The following TOMM20L variants were observed in gnomAD, a reference collection of about 807,000 sequenced individuals.
The protein encoded by TOMM20L is TOMM20-like protein 1.
A neutral mutation model predicts 20.4 loss-of-function variants in TOMM20L; 19 were observed. That is an observed-to-expected ratio of 0.93 (90% CI 0.65 to 1.36). The LOEUF is 1.36. Ranked by LOEUF, TOMM20L falls within the 40% of genes most tolerant of loss-of-function variation. The pLI is 0.00. For missense variants in TOMM20L, 218 were observed against 203.7 expected (o/e 1.07, Z -0.43); for synonymous variants, 75 against 79.6 (o/e 0.94, Z 0.30).
the TOMM20L span, among the ~76,000 whole-genome samples, chr14:58,414,221 G>T: frequency 1.3e-5 from 2 of 151,770 alleles, no homozygotes; most frequent in African/African-American, 4.8e-5. Flanking sequence ...AATTATTAAA[G>T]TATCTCTGGA....
At chr14:58,404,239 C>A (rs1194233267) in intron 3 of TOMM20L, among the ~76,000 whole-genome samples, 1 of 137,142 alleles carries the variant, frequency 7.3e-6, no homozygotes, top group African/African-American at 2.7e-5. Context: ...ACACCATTCT[C>A]CTGCCTCAGC....
At chr14:58,416,128 T>G in the TOMM20L span, among the ~76,000 whole-genome samples, 1 of 151,632 alleles carries the variant, frequency 6.6e-6, no homozygotes, top group Admixed American at 6.6e-5. Flanking sequence ...CTCAGGTGGC[T>G]GAGGCACGAG....
downstream of TOMM20L, chr14:58,410,711 C>A (rs2036187986): frequency 3.2e-6 from 2 of 621,898 alleles, no homozygotes; most frequent in Non-Finnish European, 5.4e-6. Context: ...TGCTTCAGTT[C>A]TTCCAAGCAA....
downstream of TOMM20L, chr14:58,411,090 T>C: frequency 1.7e-6 from 1 of 577,936 alleles, no homozygotes; most frequent in Non-Finnish European, 3.0e-6. Context: ...CAGTATGATC[T>C]ACAGAATAGT....
At chr14:58,401,451 C>G (rs2035991411) in intron 2 of TOMM20L, among the ~76,000 whole-genome samples, 1 of 151,786 alleles carries the variant, frequency 6.6e-6, no homozygotes, top group African/African-American at 2.4e-5. Flanking sequence ...GCACCTATAG[C>G]CCCAGCTACT....
chr14:58,403,587 C>G (rs2036016803), intron 3 of TOMM20L, among the ~76,000 whole-genome samples: 1 of 151,990 alleles, frequency 6.6e-6, no homozygotes, highest in South Asian at 2.1e-4. Flanking sequence ...GCCTGTAATC[C>G]CAGCACTTTG....
chr14:58,397,422 C>T (rs1165479623), intron 2 of TOMM20L, among the ~76,000 whole-genome samples: 1 of 152,194 alleles, frequency 6.6e-6, no homozygotes, highest in Non-Finnish European at 1.5e-5. Context: ...GATTCTACCT[C>T]TCAACAGGGA....
downstream of TOMM20L, chr14:58,409,176 T>C: frequency 6.2e-7 from 1 of 1,610,004 alleles, no homozygotes; most frequent in Non-Finnish European, 8.5e-7. Context: ...GGTCTAGGAA[T>C]GAAAAGGGAA....
chr14:58,411,838 G>A (rs1403773404), downstream of TOMM20L: 2 of 1,447,548 alleles, frequency 1.4e-6, no homozygotes, highest in Non-Finnish European at 9.7e-7. Flanking sequence ...CACCCAGCCT[G>A]ACATGGTGGC....
At chr14:58,409,281 GAATTAAAT>G, downstream of TOMM20L, 1 of 1,169,366 alleles carries the variant, frequency 8.6e-7, no homozygotes, top group Non-Finnish European at 1.2e-6. Context: ...ATATATCTGA[GAATTAAAT>G]AGTACTAATT....
chr14:58,405,918 A>G (rs2036051820), intron 3 of TOMM20L, among the ~76,000 whole-genome samples: 1 of 152,090 alleles, frequency 6.6e-6, no homozygotes, highest in Non-Finnish European at 1.5e-5. Flanking sequence ...ATTAAATCAG[A>G]ATCTATGGGG....
At chr14:58,409,254 A>G (rs1189188854), downstream of TOMM20L, 4 of 1,495,474 alleles carry the variant, frequency 2.7e-6, no homozygotes, top group East Asian at 4.6e-5. Flanking sequence ...TCAGTGGGGT[A>G]GTTTGCTTTT....
rs2035917148 is a variant in TOMM20L at position 58,396,281 on chromosome 14, C to A, written c.137-17C>A. On this transcript the variant is annotated splice_polypyrimidine_tract_variant and intron_variant, in intron 1 of 4. Coordinates refer to ENST00000360945, the MANE Select transcript of TOMM20L (RefSeq NM_207377.3). Reference sequence around the variant, plus strand: ...GGACGGGCCTCCCAGCCAGCATGTGCCGTGTTGTGTTCGCAGAAAGAAGAG... The same window carrying A: ...GGACGGGCCTCCCAGCCAGCATGTGACGTGTTGTGTTCGCAGAAAGAAGAG... 2 of 1,612,746 alleles carry A rather than the reference C, an allele frequency of 1.2e-6. No individual in the cohort carries two copies. Among genetic ancestry groups the A allele is most frequent in the Non-Finnish European group, 1.7e-6 (2 of 1,179,742 alleles).
chr14:58,407,307 A>G lies in TOMM20L; in HGVS notation c.263-19A>G. 6.4e-7 allele frequency: 1 copy of G among 1,570,058 alleles called. No individual in the cohort carries two copies. Among genetic ancestry groups the G allele is most frequent in the African/African-American group, 1.4e-5 (1 of 72,328 alleles). ...AAAGAACTTCAAAATTTTGCTCAAAACTTGTCATTCTGTTTCAGGAGAGCA... is the reference window on the plus strand; with the variant it reads ...AAAGAACTTCAAAATTTTGCTCAAAGCTTGTCATTCTGTTTCAGGAGAGCA... On this transcript the variant is annotated intron_variant, in intron 3 of 4. Transcript: ENST00000360945.
chr14:58,404,527 T>TA (rs1457917439), intron 3 of TOMM20L, among the ~76,000 whole-genome samples: 1 of 151,878 alleles, frequency 6.6e-6, no homozygotes, highest in Non-Finnish European at 1.5e-5. Flanking sequence ...TTTTTTTTTT[T>TA]AATCTGTAAG....
At chr14:58,410,648 T>C (rs1277123334), downstream of TOMM20L, among the ~76,000 whole-genome samples, 2 of 152,230 alleles carry the variant, frequency 1.3e-5, no homozygotes, top group African/African-American at 2.4e-5. Context: ...CTTGGTACAA[T>C]GTAACTGTCA....
At chr14:58,406,266 A>AATC (rs1215520032) in intron 3 of TOMM20L, among the ~76,000 whole-genome samples, 3 of 152,328 alleles carry the variant, frequency 2.0e-5, no homozygotes, top group African/African-American at 7.2e-5. Context: ...TAGCACCACC[A>AATC]ATCTTCAGAA....
At chr14:58,408,736 C>T (rs1228729211), downstream of TOMM20L, 10 of 764,712 alleles carry the variant, frequency 1.3e-5, no homozygotes, top group Admixed American at 2.1e-4. Flanking sequence ...TTAAAATTAA[C>T]AGTCACAATT....
intron 2 of TOMM20L, chr14:58,398,734 G>T (rs1399448340): frequency 6.6e-6 from 1 of 150,630 alleles, no homozygotes; most frequent in Non-Finnish European, 1.5e-5. Context: ...CCATAACTAA[G>T]TCACACTATC....
Sources: gnomAD v4.1 joint callset for allele counts (sites outside exome capture counted in the v4.1 genomes callset) on GRCh38, gnomAD v4.1.1 for gene constraint, MANE v1.5 for transcripts, NCBI Gene and HGNC (gene_info 2026-07-23, HGNC 2026-07-21) for gene names.